BTD: variants seen among roughly 807,000 people sequenced by gnomAD.
BTD encodes biocytinase.
Under a neutral mutation model 17.7 loss-of-function variants are expected in BTD, and 13 were observed. The ratio of observed to expected loss-of-function variants is 0.74; its 90% confidence interval spans 0.48 to 1.17. BTD has a LOEUF of 1.17. Among genes scored for constraint, BTD ranks in the 50% most tolerant of loss-of-function variants. The pLI is 0.00. For missense variants in BTD, 674 were observed against 650.4 expected (o/e 1.04, Z -0.39); for synonymous variants, 240 against 245.2 (o/e 0.98, Z 0.20).
intron 4 of BTD, among the ~76,000 whole-genome samples, chr3:15,718,586 T>G (rs1351621297): frequency 6.6e-6 from 1 of 151,900 alleles, no homozygotes; most frequent in Non-Finnish European, 1.5e-5. Context: ...ATCAAGTGAT[T>G]CATTATCATC....
intron 1 of BTD, among the ~76,000 whole-genome samples, chr3:15,634,690 T>C (rs1440933585): frequency 6.6e-6 from 1 of 152,060 alleles, no homozygotes; most frequent in East Asian, 1.9e-4. Flanking sequence ...TGAGCAAGAG[T>C]TTTGGAGTCA....
chr3:15,686,791 C>T (rs1326165413), intron 3 of BTD, among the ~76,000 whole-genome samples: 13 of 152,138 alleles, frequency 8.5e-5, no homozygotes, highest in Non-Finnish European at 1.5e-4. Flanking sequence ...TAATGAAAAG[C>T]CCCCATTCCT....
Position 15,644,671 on chromosome 3 carries a change from G to A in BTD, c.755G>A (p.Trp252Ter), listed in dbSNP as rs148031701. The change falls in exon 4 of 4, where the codon TGG (tryptophan) becomes TAG (stop). Residue 252 changes from tryptophan to a stop codon, truncating the protein, a stop_gained. Transcript: ENST00000643237. LOFTEE classifies it low-confidence loss of function (END_TRUNC). ...KVKHVVYPTA[W>*]MNQLPLLAAI... ...AAGCATGTTGTGTACCCAACTGCCT[G>A]GATGAACCAGCTCCCACTCTTGGCA... The A allele has an allele frequency of 2.5e-6, 4 of 1,614,000 alleles. No homozygotes were observed. The highest frequency in any genetic ancestry group is 3.4e-6 in the Non-Finnish European group (4 of 1,180,040).
intron 3 of BTD, chr3:15,670,014 C>G (rs1017426319): frequency 4.8e-6 from 2 of 420,204 alleles, no homozygotes; most frequent in Admixed American, 7.7e-5. Context: ...CACTGCAAAA[C>G]CAAATTAAAC....
chr3:15,670,451 G>A (rs1311564519), intron 3 of BTD: 2 of 1,613,940 alleles, frequency 1.2e-6, no homozygotes, highest in East Asian at 2.2e-5. Flanking sequence ...GAATGTTAAG[G>A]ATGATAAAGG....
intron 1 of BTD, among the ~76,000 whole-genome samples, chr3:15,614,123 T>G (rs950287671): frequency 7.3e-6 from 1 of 137,434 alleles, no homozygotes; most frequent in Admixed American, 7.0e-5. Flanking sequence ...CTTTCTTTCT[T>G]TCTTTTTTTT....
chr3:15,631,519 A>G, intron 1 of BTD: 4 of 1,501,206 alleles, frequency 2.7e-6, no homozygotes, highest in Non-Finnish European at 2.7e-6. Context: ...CCTTGTGTGT[A>G]AAAATATCTA....
chr3:15,696,336 T>A, intron 3 of BTD: 1 of 773,926 alleles, frequency 1.3e-6, no homozygotes, highest in South Asian at 1.9e-5. Context: ...CTGACAATTT[T>A]TCTTATACTT....
At chr3:15,673,129 T>G (rs2066554457) in intron 3 of BTD, among the ~76,000 whole-genome samples, 1 of 152,214 alleles carries the variant, frequency 6.6e-6, no homozygotes, top group South Asian at 2.1e-4. Context: ...CCTCCCCCAC[T>G]TTCTCCTTAT....
chr3:15,692,297 G>T (rs762629612), intron 3 of BTD, among the ~76,000 whole-genome samples: 3 of 151,974 alleles, frequency 2.0e-5, no homozygotes, highest in Non-Finnish European at 2.9e-5. Flanking sequence ...AAAAAATAAA[G>T]AATTAGTCGG....
At chr3:15,715,716 CAA>C (rs1181711060), downstream of BTD, among the ~76,000 whole-genome samples, 1 of 152,164 alleles carries the variant, frequency 6.6e-6, no homozygotes, top group Non-Finnish European at 1.5e-5. Context: ...TTCAGTTCCT[CAA>C]CTGAAAATGA....
intron 3 of BTD, among the ~76,000 whole-genome samples, chr3:15,680,023 A>C (rs1285060613): frequency 6.6e-6 from 1 of 152,112 alleles, no homozygotes; most frequent in African/African-American, 2.4e-5. Flanking sequence ...TCTATAAGGG[A>C]CTTGAGCGCC....
intron 3 of BTD, among the ~76,000 whole-genome samples, chr3:15,700,076 T>C (rs1343008382): frequency 1.3e-5 from 2 of 152,206 alleles, no homozygotes; most frequent in Admixed American, 6.5e-5. Context: ...TGAGTTCATG[T>C]CCTTTGCAGG....
In BTD at chr3:15,644,341, C is replaced by T. The variant is rs397514364; in HGVS notation, c.425C>T (p.Ala142Val). 4.3e-6 allele frequency: 7 copies of T among 1,613,826 alleles called. No homozygotes were observed. The highest frequency in any genetic ancestry group is 5.9e-6 in the Non-Finnish European group (7 of 1,179,992). The change falls in exon 4 of 4, where the codon GCC becomes GTC. Residue 142 changes from alanine (A) to valine (V), a missense_variant. Ala to Val is a moderately conservative substitution (Grantham distance 64). Coordinates refer to ENST00000643237, the MANE Select transcript of BTD (RefSeq NM_001370658.1). ...TEVLQRLSCM[A>V]IRGDMFLVAN... ...GTGCTCCAGCGCCTGAGTTGTATGG[C>T]CATCAGGGGAGATATGTTCTTGGTG...
intron 2 of BTD, among the ~76,000 whole-genome samples, chr3:15,636,463 T>C (rs1483861760): frequency 2.0e-5 from 3 of 152,290 alleles, no homozygotes; most frequent in Admixed American, 6.5e-5. Flanking sequence ...GAGGGAAATA[T>C]CAGAGGTTGC....
intron 3 of BTD, among the ~76,000 whole-genome samples, chr3:15,706,327 G>T (rs1267636786): frequency 6.6e-6 from 1 of 151,916 alleles, no homozygotes; most frequent in South Asian, 2.1e-4. Context: ...ACCTATGAGT[G>T]AGAACATGTG....
intron 1 of BTD, among the ~76,000 whole-genome samples, chr3:15,604,752 G>C (rs1184645334): frequency 2.0e-5 from 3 of 152,198 alleles, no homozygotes; most frequent in Non-Finnish European, 1.5e-5. Flanking sequence ...AAGTTCCACA[G>C]ATCTCTAGGA....
chr3:15,694,870 T>C, intron 3 of BTD: 1 of 1,492,010 alleles, frequency 6.7e-7, no homozygotes, highest in Non-Finnish European at 9.3e-7. Flanking sequence ...AATTATTCTC[T>C]CCCACCCACC....
At chr3:15,638,654 A>G (rs1251407026) in intron 2 of BTD, among the ~76,000 whole-genome samples, 3 of 152,254 alleles carry the variant, frequency 2.0e-5, no homozygotes, top group Non-Finnish European at 1.5e-5. Context: ...AAATACAGTC[A>G]TGCATTGCTT....
Sources: gnomAD v4.1 joint callset for allele counts (sites outside exome capture counted in the v4.1 genomes callset) on GRCh38, gnomAD v4.1.1 for gene constraint, MANE v1.5 for transcripts, NCBI Gene and HGNC (gene_info 2026-07-23, HGNC 2026-07-21) for gene names.